Variants in NOTCH2 observed in about 807,000 individuals in gnomAD.
NOTCH2 encodes notch receptor 2.
In NOTCH2, 29 loss-of-function variants were observed where a neutral mutation model predicts 235.8. That is an observed-to-expected ratio of 0.12 (90% CI 0.09 to 0.17). The LOEUF is 0.17. Ranked by LOEUF, NOTCH2 falls within the 10% of genes least tolerant of loss-of-function variation. The probability of loss-of-function intolerance (pLI) is 1.00; values close to 1 mark genes in which losing one functional copy is unlikely to be tolerated. For synonymous variants in NOTCH2, 1,086 were observed against 1,141.5 expected, an observed-to-expected ratio of 0.95 and a Z score of 0.98; for missense variants, 2,285 against 3,150.2, an observed-to-expected ratio of 0.73 and a Z score of 6.57.
Position 119,923,993 on chromosome 1 carries a change from G to A in NOTCH2, c.4512-9C>T, listed in dbSNP as rs762427299. 3.1e-6 allele frequency: 5 copies of A among 1,608,534 alleles called. No homozygotes were observed. In the African/African-American group the frequency reaches 5.3e-5, roughly 17 times the overall value. On this transcript the variant is annotated splice_polypyrimidine_tract_variant and intron_variant, in intron 25 of 33. Transcript: ENST00000256646. The stretch of plus-strand genomic sequence containing the variant: ...CACAGTATTTGTCATACCTAGGTAA[G>A]GGGAAGCAGAGAACAGGCAAAAGAG...
chr1:120,011,988 C>T (rs1653212653), intron 2 of NOTCH2, among the ~76,000 whole-genome samples: 1 of 146,382 alleles, frequency 6.8e-6, no homozygotes, highest in Admixed American at 6.8e-5. Flanking sequence ...TGCACTCCAG[C>T]CTGGGCGACA....
At chr1:119,931,884 GA>G (rs1439660852) in intron 22 of NOTCH2, among the ~76,000 whole-genome samples, 65 of 150,390 alleles carry the variant, frequency 4.3e-4, no homozygotes, top group African/African-American at 1.5e-3. Context: ...AAAGAAAAAA[GA>G]TAAAAAAATA....
intron 1 of NOTCH2, among the ~76,000 whole-genome samples, chr1:120,066,163 C>A (rs1306686588): frequency 6.6e-6 from 1 of 152,170 alleles, no homozygotes; most frequent in Non-Finnish European, 1.5e-5. Context: ...ATATCTCTTA[C>A]GTTAGCAATT....
intron 33 of NOTCH2, among the ~76,000 whole-genome samples, chr1:119,917,186 CAT>C (rs780626835): frequency 5.3e-5 from 8 of 151,838 alleles, no homozygotes; most frequent in Non-Finnish European, 7.4e-5. Context: ...AGAGACAAAA[CAT>C]GTGCAAGAAA....
chr1:119,913,198 C>T lies in NOTCH2; in HGVS notation c.*2108G>A, dbSNP rs181666932. The T allele has an allele frequency of 1.4e-4, 33 of 233,180 alleles. No individual in the cohort carries two copies. The highest frequency in any genetic ancestry group is 2.2e-4 in the Admixed American group (4 of 17,788). The allele number at this position is 233,180 out of a possible 1,614,324, so 14.4% of individuals were successfully genotyped here. ...TATGAAAGAGGCTGACAGAATGTTG[C>T]CACATGGAGAGAATAAAGCAGAGAA... On this transcript the variant is annotated 3_prime_UTR_variant, in exon 34 of 34. Transcript: ENST00000256646.
At chr1:120,039,324 T>C (rs1654450177) in intron 1 of NOTCH2, among the ~76,000 whole-genome samples, 9 of 152,154 alleles carry the variant, frequency 5.9e-5, no homozygotes, top group Admixed American at 5.9e-4. Flanking sequence ...TCTGTTCTGT[T>C]CCACTATCTG....
intron 8 of NOTCH2, among the ~76,000 whole-genome samples, chr1:119,966,810 C>T (rs1229835846): frequency 1.3e-5 from 2 of 152,202 alleles, no homozygotes; most frequent in Non-Finnish European, 2.9e-5. Context: ...CCCAAAATGT[C>T]CCCACTCTAT....
chr1:120,041,041 C>CAAAAA lies in NOTCH2; in HGVS notation c.74-11059_74-11055dup, dbSNP rs71586698. Among the ~76,000 whole-genome samples, 24 of 15,670 alleles carry CAAAAA rather than the reference C, an allele frequency of 1.5e-3. 2 individuals carry two copies. Among genetic ancestry groups the CAAAAA allele is most frequent in the Non-Finnish European group, 2.4e-3 (22 of 9,144 alleles). 10.3% of individuals were successfully genotyped at this position (15,670 alleles called of 152,430 possible). A position where few individuals can be genotyped will look rare whatever the true frequency, so the allele number is the denominator to read the frequency against. On this transcript the variant is annotated intron_variant, in intron 1 of 33. Transcript: ENST00000256646. ...GGGCGACAGAGCAAGACTCTGCCTGCAAAAAAAAAAAAAAAAAAAAAAAAA... is the reference window on the plus strand; with the variant it reads ...GGGCGACAGAGCAAGACTCTGCCTGCAAAAAAAAAAAAAAAAAAAAAAAAAAAAAA...
In NOTCH2 at chr1:119,921,770, A is replaced by G. The variant is rs779961030; in HGVS notation, c.5253T>C (p.Gly1751=). ...SVQVSEANLI[G]TGTSEHWVDD... ...CGACCCAGTGTTCACTTGTTCCAGT[A>G]CCAATTAGGTTAGCTTCTGAGACTT... Residue 1751 remains glycine (G), a synonymous_variant, in exon 29 of 34, where the codon GGT becomes GGC. Coordinates refer to ENST00000256646, the MANE Select transcript of NOTCH2 (RefSeq NM_024408.4). 3.7e-6 allele frequency: 6 copies of G among 1,614,032 alleles called. No homozygotes were observed. The highest frequency in any genetic ancestry group is 4.2e-6 in the Non-Finnish European group (5 of 1,180,008).
chr1:120,069,535 C>G lies in NOTCH2; in HGVS notation c.-129G>C, dbSNP rs1655683249. Reference sequence around the variant, plus strand: ...TGCTTCAAAGGCTCAGGCCCTGGCGCTACGCTCCGAAGCCCAGGCGCAAAT... The same window carrying G: ...TGCTTCAAAGGCTCAGGCCCTGGCGGTACGCTCCGAAGCCCAGGCGCAAAT... On this transcript the variant is annotated 5_prime_UTR_variant, in exon 1 of 34. Coordinates refer to ENST00000256646, the MANE Select transcript of NOTCH2 (RefSeq NM_024408.4). The G allele has an allele frequency of 2.1e-6, 3 of 1,423,106 alleles. No homozygotes were observed. The South Asian group carries it at 4.4e-5, about 21-fold the overall frequency. 88.2% of individuals were successfully genotyped at this position (1,423,106 alleles called of 1,614,324 possible). A position where few individuals can be genotyped will look rare whatever the true frequency, so the allele number is the denominator to read the frequency against.
chr1:120,026,101 T>C (rs1653826671), intron 2 of NOTCH2, among the ~76,000 whole-genome samples: 1 of 134,328 alleles, frequency 7.4e-6, no homozygotes, highest in South Asian at 2.8e-4. Flanking sequence ...ATAGGGTACT[T>C]AGGCTCCTAA....
intron 1 of NOTCH2, among the ~76,000 whole-genome samples, chr1:120,035,666 C>CGG (rs1654283584): frequency 8.6e-6 from 1 of 115,838 alleles, no homozygotes; most frequent in African/African-American, 3.5e-5. Context: ...AGGGCCACCA[C>CGG]CCCCTATCCT....
chr1:119,937,450 G>A lies in NOTCH2; in HGVS notation c.3354C>T (p.His1118=). 3 of 1,613,702 alleles carry A rather than the reference G, an allele frequency of 1.9e-6. No individual in the cohort carries two copies. The highest frequency in any genetic ancestry group is 1.1e-5 in the South Asian group (1 of 91,044). The part of the protein sequence containing the change: ...AASRRGVLVE[H]LCQHSGVCIN... ...TGCAGACACCTGAGTGCTGGCACAAGTGTTCAACAAGCACACCTGGGAAAC... is the reference window on the plus strand; with the variant it reads ...TGCAGACACCTGAGTGCTGGCACAAATGTTCAACAAGCACACCTGGGAAAC... Residue 1118 remains histidine (H), a synonymous_variant, in exon 21 of 34, where the codon CAC becomes CAT. Coordinates refer to ENST00000256646, the MANE Select transcript of NOTCH2 (RefSeq NM_024408.4).
intron 17 of NOTCH2, among the ~76,000 whole-genome samples, chr1:119,942,401 T>G (rs1650094028): frequency 6.6e-6 from 1 of 152,260 alleles, no homozygotes; most frequent in Non-Finnish European, 1.5e-5. Flanking sequence ...CTATGGCTCT[T>G]AAGGAACTTA....
intron 2 of NOTCH2, among the ~76,000 whole-genome samples, chr1:120,010,393 C>T (rs1553206767): frequency 6.6e-6 from 1 of 152,072 alleles, no homozygotes; most frequent in Non-Finnish European, 1.5e-5. Flanking sequence ...TGCTTGAATA[C>T]AAGCATGTAG....
chr1:119,929,099 C>T lies in NOTCH2; in HGVS notation c.3769G>A (p.Ala1257Thr), dbSNP rs1488471015. ...ATGTCTCCCTCACAACGCTCCCCAG[C>T]AAAGCCAGGCAAGCAGCGACAACTG... ...GYSCRCLPGF[A>T]GERCEGDINE... The change falls in exon 23 of 34, where the codon GCT (alanine) becomes ACT (threonine). Residue 1257 changes from alanine (A) to threonine (T), a missense_variant. Around this residue, in one of 6 missense-constraint regions of NOTCH2, gnomAD observed 1,173 missense variants for 1,515.3 expected, o/e 0.77. Transcript: ENST00000256646. 1 of 1,614,210 alleles carries T rather than the reference C, an allele frequency of 6.2e-7. No individual in the cohort carries two copies. The highest frequency in any genetic ancestry group is 8.5e-7 in the Non-Finnish European group (1 of 1,180,030).
At chr1:120,023,935 T>C (rs1454339712) in intron 2 of NOTCH2, among the ~76,000 whole-genome samples, 2 of 152,074 alleles carry the variant, frequency 1.3e-5, no homozygotes, top group Non-Finnish European at 2.9e-5. Context: ...ATCTGTTATA[T>C]GTGGTACTCA....
chr1:119,925,793 C>A lies in NOTCH2; in HGVS notation c.4023G>T (p.Arg1341Ser), dbSNP rs1043834394. 1 of 1,614,096 alleles carries A rather than the reference C, an allele frequency of 6.2e-7. No homozygotes were observed. The highest frequency in any genetic ancestry group is 8.5e-7 in the Non-Finnish European group (1 of 1,180,026). ...TCACTTGTCCACAGCTGCTCTGGCA[C>A]CTTGCCCCGGAAAATCCCTGTGGAA... Reference protein sequence around the residue: ...CRCPPGFSGARCQSSCGQVKC... With the variant: ...CRCPPGFSGASCQSSCGQVKC... The change falls in exon 25 of 34, where the codon AGG becomes AGT. Residue 1341 changes from arginine (R) to serine (S), a missense_variant. Transcript: ENST00000256646.
At chr1:119,943,231 T>G (rs1462597358) in intron 17 of NOTCH2, among the ~76,000 whole-genome samples, 3 of 152,192 alleles carry the variant, frequency 2.0e-5, no homozygotes, top group African/African-American at 7.2e-5. Flanking sequence ...ATCCTGTAAA[T>G]TAAGGTGCCA....
Sources: allele counts gnomAD v4.1 joint callset (sites outside exome capture counted in the v4.1 genomes callset), GRCh38; gene constraint gnomAD v4.1.1; regional missense constraint gnomAD v4.1.1; transcripts MANE v1.5; gene names NCBI Gene and HGNC (gene_info 2026-07-23, HGNC 2026-07-21).